CDH18: variants seen among roughly 807,000 people sequenced by gnomAD.
CDH18 encodes cadherin-18.
A neutral mutation model predicts 67.9 loss-of-function variants in CDH18; 31 were observed. That is an observed-to-expected ratio of 0.46 (90% CI 0.34 to 0.62). CDH18 has a LOEUF of 0.62. Ranked by LOEUF, CDH18 falls within the 20% of genes least tolerant of loss-of-function variation. CDH18 has a pLI of 0.01. For synonymous variants in CDH18, 362 were observed against 347.2 expected, an observed-to-expected ratio of 1.04 and a Z score of -0.48; for missense variants, 890 against 975.5, an observed-to-expected ratio of 0.91 and a Z score of 1.17.
intron 10 of CDH18, among the ~76,000 whole-genome samples, chr5:19,507,635 C>T (rs1001202068): frequency 3.3e-5 from 5 of 152,120 alleles, no homozygotes; most frequent in African/African-American, 1.2e-4. Flanking sequence ...AACCGTCATT[C>T]TGAGCAAACT....
At chr5:19,943,938 G>C (rs979996437) in intron 2 of CDH18, among the ~76,000 whole-genome samples, 4 of 152,092 alleles carry the variant, frequency 2.6e-5, no homozygotes, top group African/African-American at 9.6e-5. Context: ...AAAATCAGTA[G>C]TTACATGTAT....
At chr5:20,196,409 G>T (rs1221619250) in intron 2 of CDH18, among the ~76,000 whole-genome samples, 3 of 152,062 alleles carry the variant, frequency 2.0e-5, no homozygotes, top group Non-Finnish European at 2.9e-5. Context: ...AGAGCACACG[G>T]CTAATATGTG....
At chr5:19,532,700 A>G (rs1457049351) in intron 9 of CDH18, among the ~76,000 whole-genome samples, 1 of 152,218 alleles carries the variant, frequency 6.6e-6, no homozygotes, top group Non-Finnish European at 1.5e-5. Flanking sequence ...AGCTCTTAAA[A>G]TACCCCAGGT....
intron 2 of CDH18, among the ~76,000 whole-genome samples, chr5:19,923,238 C>A (rs968516449): frequency 2.6e-5 from 4 of 152,108 alleles, no homozygotes; most frequent in Non-Finnish European, 5.9e-5. Context: ...AATGATGAAG[C>A]CTCCAGATGA....
intron 2 of CDH18, among the ~76,000 whole-genome samples, chr5:19,877,291 T>C (rs971585365): frequency 6.6e-6 from 1 of 152,110 alleles, no homozygotes; most frequent in Non-Finnish European, 1.5e-5. Context: ...GTGAAGGCAA[T>C]ACTGGAAAAA....
intron 2 of CDH18, among the ~76,000 whole-genome samples, chr5:20,161,569 A>T (rs1257975065): frequency 6.6e-6 from 1 of 152,194 alleles, no homozygotes; most frequent in African/African-American, 2.4e-5. Flanking sequence ...CAGCATATTT[A>T]TGTTCTCATT....
At chr5:19,862,909 G>T (rs1206437729) in intron 2 of CDH18, among the ~76,000 whole-genome samples, 1 of 152,190 alleles carries the variant, frequency 6.6e-6, no homozygotes, top group Non-Finnish European at 1.5e-5. Flanking sequence ...AAGGGGGTAT[G>T]CCAGGCCAGC....
intron 5 of CDH18, among the ~76,000 whole-genome samples, chr5:19,638,306 A>G (rs531213793): frequency 1.3e-5 from 2 of 152,342 alleles, no homozygotes; most frequent in South Asian, 2.1e-4. Flanking sequence ...AGAGGATATT[A>G]AACAGACATT....
intron 2 of CDH18, among the ~76,000 whole-genome samples, chr5:20,027,785 G>C (rs1283177885): frequency 6.6e-6 from 1 of 152,132 alleles, no homozygotes; most frequent in East Asian, 1.9e-4. Context: ...TGGTGGTCTT[G>C]AATAAAAAAT....
At chr5:19,746,872 G>T (rs541541561) in intron 4 of CDH18, 70 bp downstream of exon 4, 2 of 1,232,532 alleles carry the variant, frequency 1.6e-6, no homozygotes. Context: ...GTAAAAATTG[G>T]TATTCTAAAG....
intron 2 of CDH18, among the ~76,000 whole-genome samples, chr5:19,881,383 T>C (rs1211979603): frequency 6.6e-6 from 1 of 152,100 alleles, no homozygotes; most frequent in Non-Finnish European, 1.5e-5. Context: ...TAGTAGAAAC[T>C]ATAACATCAA....
intron 1 of CDH18, among the ~76,000 whole-genome samples, chr5:20,481,357 A>G (rs1752798419): frequency 2.0e-5 from 3 of 152,176 alleles, no homozygotes; most frequent in Admixed American, 2.0e-4. Flanking sequence ...AAGCTAAAAG[A>G]GAGATAGCTG....
At chr5:20,277,830 A>G (rs1050964715) in intron 1 of CDH18, among the ~76,000 whole-genome samples, 4 of 152,162 alleles carry the variant, frequency 2.6e-5, no homozygotes, top group African/African-American at 9.6e-5. Flanking sequence ...AAATGATTAA[A>G]AAAGTCAAGC....
rs530096776 is a variant in CDH18, at chr5:20,037,627, C to G, written c.-517-45613G>C. 2.6e-5 allele frequency among the ~76,000 whole-genome samples: 4 copies of G among 152,216 alleles called. No individual in the cohort carries two copies. The East Asian group carries it at 7.7e-4, about 29-fold the overall frequency. On this transcript the variant is annotated intron_variant, in intron 2 of 14. Transcript: ENST00000507958. The stretch of plus-strand genomic sequence containing the variant: ...TACTGGGTAAATAATGAAATTAAGG[C>G]AGAAATAAATAAGTTCTTTGAAATC...
intron 5 of CDH18, among the ~76,000 whole-genome samples, chr5:19,676,545 T>G (rs746639415): frequency 2.6e-5 from 4 of 152,120 alleles, no homozygotes; most frequent in Non-Finnish European, 5.9e-5. Context: ...GCTGTTAATA[T>G]TAACGTGTTA....
chr5:19,511,674 G>T (rs1366567941), intron 10 of CDH18, among the ~76,000 whole-genome samples: 40 of 152,028 alleles, frequency 2.6e-4, no homozygotes, highest in Admixed American at 2.6e-3. Context: ...GATGATTTAG[G>T]GTATCTAGTG....
In CDH18 at chr5:20,155,022, T is replaced by A. The variant is rs115922578; in HGVS notation, c.-518+100422A>T. 1.9e-3 allele frequency among the ~76,000 whole-genome samples: 287 copies of A among 152,304 alleles called. 1 individual carries two copies. The highest frequency in any genetic ancestry group is 6.7e-3 in the African/African-American group (278 of 41,574). On this transcript the variant is annotated intron_variant, in intron 2 of 14. Coordinates refer to the CDH18 transcript ENST00000507958. ...TCAGGTTTCTTTTCAAAGGCTGTCA[T>A]CTATAAACAGACCTTGCAAATGGAT... is the stretch of plus-strand genomic sequence containing the variant.
chr5:19,750,616 G>A (rs1207033450), intron 3 of CDH18, among the ~76,000 whole-genome samples: 1 of 152,028 alleles, frequency 6.6e-6, no homozygotes, highest in Non-Finnish European at 1.5e-5. Flanking sequence ...TATAGACATG[G>A]TAGTGACTCA....
intron 2 of CDH18, among the ~76,000 whole-genome samples, chr5:19,976,823 G>C (rs1317395906): frequency 2.0e-5 from 3 of 152,112 alleles, no homozygotes; most frequent in Non-Finnish European, 4.4e-5. Flanking sequence ...AATGAGTTAT[G>C]AGGCAAAAAT....
Sources: allele counts gnomAD v4.1 joint callset (sites outside exome capture counted in the v4.1 genomes callset), GRCh38; gene constraint gnomAD v4.1.1; transcripts MANE v1.5; gene names NCBI Gene and HGNC (gene_info 2026-07-23, HGNC 2026-07-21).